Variants in RBFOX1 observed in about 807,000 individuals in gnomAD.
RBFOX1 encodes RNA binding protein fox-1 homolog 1.
A neutral mutation model predicts 57.7 loss-of-function variants in RBFOX1; 8 were observed. The ratio of observed to expected loss-of-function variants is 0.14; its 90% confidence interval spans 0.08 to 0.25. The LOEUF is 0.25. Ranked by LOEUF, RBFOX1 falls within the 10% of genes least tolerant of loss-of-function variation. The pLI, the probability that RBFOX1 is intolerant of heterozygous loss-of-function variation, is 1.00. For synonymous variants in RBFOX1, 326 were observed against 222.4 expected (o/e 1.47, Z -4.15); for missense variants, 611 against 548.5 (o/e 1.11, Z -1.14).
At chr16:6,234,979 T>G (rs1171533579) in intron 1 of RBFOX1, among the ~76,000 whole-genome samples, 1 of 152,160 alleles carries the variant, frequency 6.6e-6, no homozygotes, top group South Asian at 2.1e-4. Context: ...CTGTACCACT[T>G]TTGCAGATTC....
At chr16:7,333,136 G>A (rs2096723008) in intron 4 of RBFOX1, 1 of 1,554,384 alleles carries the variant, frequency 6.4e-7, no homozygotes, top group African/African-American at 1.4e-5. Context: ...AGAGTGCTCA[G>A]AGTAATAATT....
chr16:6,326,475 A>G (rs1326633708), intron 2 of RBFOX1, among the ~76,000 whole-genome samples: 1 of 152,146 alleles, frequency 6.6e-6, no homozygotes, highest in African/African-American at 2.4e-5. Context: ...CCTAGATACA[A>G]GTACTTTCTT....
At chr16:5,514,897 T>C (rs2043733970) in intron 2 of RBFOX1, among the ~76,000 whole-genome samples, 1 of 152,308 alleles carries the variant, frequency 6.6e-6, no homozygotes, top group Admixed American at 6.5e-5. Context: ...AAGAGGTTTA[T>C]TTGGCTCATG....
intron 2 of RBFOX1, among the ~76,000 whole-genome samples, chr16:6,496,962 G>C (rs812980): frequency 6.7e-6 from 1 of 148,422 alleles, no homozygotes; most frequent in Non-Finnish European, 1.5e-5. Flanking sequence ...CTCCGTCTTC[G>C]GAAAAAAAGA....
At chr16:7,459,824 G>A (rs1354886838) in intron 4 of RBFOX1, among the ~76,000 whole-genome samples, 4 of 151,902 alleles carry the variant, frequency 2.6e-5, no homozygotes, top group East Asian at 1.9e-4. Flanking sequence ...AGATGCTTAC[G>A]GGCCACCATA....
At chr16:5,950,156 C>T (rs887906616) in intron 4 of RBFOX1, among the ~76,000 whole-genome samples, 1 of 152,174 alleles carries the variant, frequency 6.6e-6, no homozygotes, top group Non-Finnish European at 1.5e-5. Flanking sequence ...ACATCATTTG[C>T]AAAACCCAGT....
chr16:5,313,550 G>A (rs2064149014), intron 1 of RBFOX1, among the ~76,000 whole-genome samples: 2 of 152,096 alleles, frequency 1.3e-5, no homozygotes, highest in Non-Finnish European at 1.5e-5. Context: ...ACCCGAGACT[G>A]GGAAGAGAAA....
intron 3 of RBFOX1, among the ~76,000 whole-genome samples, chr16:6,903,539 T>C (rs1237334319): frequency 6.6e-6 from 1 of 152,202 alleles, no homozygotes; most frequent in Non-Finnish European, 1.5e-5. Context: ...CAATAGGATG[T>C]GAGCTCGGAG....
chr16:5,314,589 C>T (rs1193019331), intron 1 of RBFOX1, among the ~76,000 whole-genome samples: 2 of 152,172 alleles, frequency 1.3e-5, no homozygotes, highest in African/African-American at 2.4e-5. Context: ...CGGCCTTGAT[C>T]TCCTGGGCTG....
chr16:6,475,395 G>C (rs1271724281), intron 2 of RBFOX1, among the ~76,000 whole-genome samples: 3 of 152,184 alleles, frequency 2.0e-5, no homozygotes, highest in African/African-American at 7.2e-5. Flanking sequence ...CTTAAAGGAA[G>C]TCTGCTACGC....
At chr16:7,163,418 C>G (rs755058906) in intron 4 of RBFOX1, among the ~76,000 whole-genome samples, 2 of 152,082 alleles carry the variant, frequency 1.3e-5, no homozygotes, top group African/African-American at 4.8e-5. Flanking sequence ...GTGTATGAAG[C>G]GGCTGGTCTG....
intron 15 of RBFOX1, chr16:7,709,497 C>CA: frequency 6.7e-7 from 1 of 1,500,112 alleles, no homozygotes; most frequent in South Asian, 1.3e-5. Flanking sequence ...CACATAGCCC[C>CA]AAGGTTCCAG....
At chr16:6,636,391 C>G (rs573109321) in intron 2 of RBFOX1, among the ~76,000 whole-genome samples, 7 of 152,084 alleles carry the variant, frequency 4.6e-5, no homozygotes, top group Non-Finnish European at 7.4e-5. Context: ...AGGATGGTCT[C>G]GATCTCCTGA....
intron 4 of RBFOX1, among the ~76,000 whole-genome samples, chr16:5,918,146 G>T (rs2058748783): frequency 6.6e-6 from 1 of 152,164 alleles, no homozygotes; most frequent in South Asian, 2.1e-4. Flanking sequence ...TTGAGACAGA[G>T]TCTTGTTTTA....
At chr16:7,265,199 T>G (rs2095080985) in intron 4 of RBFOX1, among the ~76,000 whole-genome samples, 1 of 152,218 alleles carries the variant, frequency 6.6e-6, no homozygotes, top group East Asian at 1.9e-4. Context: ...ATAGACAGGG[T>G]GGCTTAGACA....
chr16:6,387,563 C>T (rs1448479979), intron 2 of RBFOX1, among the ~76,000 whole-genome samples: 1 of 151,924 alleles, frequency 6.6e-6, no homozygotes, highest in Non-Finnish European at 1.5e-5. Flanking sequence ...GATGATACAT[C>T]TGCTTATAGG....
chr16:5,257,629 A>C (rs1326271142), intron 1 of RBFOX1, among the ~76,000 whole-genome samples: 4 of 152,112 alleles, frequency 2.6e-5, no homozygotes, highest in African/African-American at 9.7e-5. Flanking sequence ...CGCATTTACT[A>C]GTGAGGAAGA....
intron 2 of RBFOX1, among the ~76,000 whole-genome samples, chr16:6,347,013 A>G (rs894732550): frequency 6.6e-6 from 1 of 152,168 alleles, no homozygotes; most frequent in African/African-American, 2.4e-5. Flanking sequence ...TTGAATAAAG[A>G]TCATGATATT....
intron 4 of RBFOX1, among the ~76,000 whole-genome samples, chr16:7,359,827 A>T (rs1008387465): frequency 2.0e-5 from 3 of 152,084 alleles, no homozygotes; most frequent in Non-Finnish European, 4.4e-5. Flanking sequence ...TACTGAAAAT[A>T]TGAAAAATTA....
Sources: allele counts gnomAD v4.1 joint callset (sites outside exome capture counted in the v4.1 genomes callset), GRCh38; gene constraint gnomAD v4.1.1; transcripts MANE v1.5; gene names NCBI Gene and HGNC (gene_info 2026-07-23, HGNC 2026-07-21).